SPATA6: variants seen among roughly 807,000 people sequenced by gnomAD.
SPATA6 encodes the protein spermatogenesis associated 6.
A neutral mutation model predicts 65.3 loss-of-function variants in SPATA6; 56 were observed. That is an observed-to-expected ratio of 0.86 (90% CI 0.69 to 1.07). The LOEUF (loss-of-function observed/expected upper bound fraction) is 1.07. Ranked by LOEUF, SPATA6 falls within the 50% of genes least tolerant of loss-of-function variation. SPATA6 has a pLI of 0.00. For missense variants in SPATA6, 590 were observed against 594.8 expected (o/e 0.99, Z 0.08); for synonymous variants, 199 against 213.2 (o/e 0.93, Z 0.58).
chr1:48,392,747 A>T (rs1650196748), intron 8 of SPATA6, among the ~76,000 whole-genome samples: 1 of 152,140 alleles, frequency 6.6e-6, no homozygotes, highest in African/African-American at 2.4e-5. Context: ...ATTAGGCAAG[A>T]TAATTTGGCA....
chr1:48,451,626 G>A, intron 2 of SPATA6, 26 bp from the exon 3 acceptor site: 1 of 1,600,216 alleles, frequency 6.2e-7, no homozygotes, highest in Non-Finnish European at 8.5e-7. Flanking sequence ...ACAGGGAGAG[G>A]CAGGAAGGAA....
At chr1:48,399,673 G>A (rs752543799) in intron 6 of SPATA6, 29 bp from the exon 7 acceptor site, 2 of 1,523,244 alleles carry the variant, frequency 1.3e-6, no homozygotes, top group Admixed American at 4.5e-5. Context: ...AATTAACTTG[G>A]TCAAAGGGGA....
chr1:48,302,270 T>C (rs1441029690), intron 12 of SPATA6, among the ~76,000 whole-genome samples: 1 of 152,218 alleles, frequency 6.6e-6, no homozygotes, highest in African/African-American at 2.4e-5. Context: ...ATGGATATAT[T>C]ACATAATGGC....
At chr1:48,397,500 G>T (rs1169860422) in intron 7 of SPATA6, among the ~76,000 whole-genome samples, 1 of 151,646 alleles carries the variant, frequency 6.6e-6, no homozygotes, top group East Asian at 1.9e-4. Flanking sequence ...TCTTTAAGAT[G>T]AAAGAATCTT....
At chr1:48,315,572 C>T (rs1429117788) in intron 11 of SPATA6, among the ~76,000 whole-genome samples, 1 of 152,164 alleles carries the variant, frequency 6.6e-6, no homozygotes, top group African/African-American at 2.4e-5. Context: ...GACAAACCCA[C>T]AGCCAATATC....
chr1:48,462,603 GTA>G (rs1657529646), intron 1 of SPATA6, among the ~76,000 whole-genome samples: 1 of 152,158 alleles, frequency 6.6e-6, no homozygotes, highest in Admixed American at 6.5e-5. Flanking sequence ...GAATTTCAGA[GTA>G]AGTAAGATTG....
chr1:48,283,430 C>T, the SPATA6 span, among the ~76,000 whole-genome samples: 435 of 151,134 alleles, frequency 2.9e-3, 2 homozygotes, highest in African/African-American at 0.01. Context: ...CCTGTAATCC[C>T]AGCACTTTGG....
rs140249354 is a variant in SPATA6 at position 48,329,835 on chromosome 1, A to C, written c.1195-23957T>G. 5.2e-3 allele frequency among the ~76,000 whole-genome samples: 789 copies of C among 152,290 alleles called. 20 individuals carry two copies. Among genetic ancestry groups the C allele is most frequent in the South Asian group, 0.05 (240 of 4,816 alleles). On this transcript the variant is annotated intron_variant, in intron 11 of 12. Transcript: ENST00000371847. ...TGAGTGACAGTCCCCAGGGGAATTTACACTCTCCACAGGGACCTGTGCAAG... is the reference window on the plus strand; with the variant it reads ...TGAGTGACAGTCCCCAGGGGAATTTCCACTCTCCACAGGGACCTGTGCAAG...
chr1:48,339,143 G>A (rs777563063), intron 11 of SPATA6, among the ~76,000 whole-genome samples: 11 of 151,830 alleles, frequency 7.2e-5, no homozygotes, highest in Non-Finnish European at 1.3e-4. Context: ...TCAGTCTCTC[G>A]GTACTGAAAA....
chr1:48,290,466 A>T (rs1484708605), downstream of SPATA6, among the ~76,000 whole-genome samples: 1 of 152,218 alleles, frequency 6.6e-6, no homozygotes, highest in Non-Finnish European at 1.5e-5. Flanking sequence ...ACCAGATAAC[A>T]TCATGACAGG....
intron 11 of SPATA6, among the ~76,000 whole-genome samples, chr1:48,330,866 G>A (rs1417917848): frequency 6.6e-6 from 1 of 152,134 alleles, no homozygotes; most frequent in Non-Finnish European, 1.5e-5. Flanking sequence ...CTATGGGCAA[G>A]GACACAGCTA....
intron 1 of SPATA6, among the ~76,000 whole-genome samples, chr1:48,458,445 C>T (rs2148177683): frequency 6.6e-6 from 1 of 152,222 alleles, no homozygotes; most frequent in African/African-American, 2.4e-5. Flanking sequence ...GATGTAGCCA[C>T]TCTTTTTGCT....
rs1015216593 is a variant in SPATA6 at position 48,442,612 on chromosome 1, A to G, written c.238+8940T>C. 4.0e-5 allele frequency among the ~76,000 whole-genome samples: 6 copies of G among 151,364 alleles called. No homozygotes were observed. The East Asian group carries it at 5.8e-4, about 15-fold the overall frequency. On this transcript the variant is annotated intron_variant, in intron 3 of 12. Transcript: ENST00000371847. Reference sequence around the variant, plus strand: ...GTCAGAGAAAGAGAGAGAGAGAGAAAGAGAGAGACAGAAAGTCAAAGAGAG... The same window carrying G: ...GTCAGAGAAAGAGAGAGAGAGAGAAGGAGAGAGACAGAAAGTCAAAGAGAG...
chr1:48,323,795 T>C (rs1347304746), intron 11 of SPATA6, among the ~76,000 whole-genome samples: 1 of 152,090 alleles, frequency 6.6e-6, no homozygotes, highest in Non-Finnish European at 1.5e-5. Flanking sequence ...CTTACCAAGA[T>C]TGAACCATGA....
intron 8 of SPATA6, among the ~76,000 whole-genome samples, chr1:48,390,232 T>C (rs762164836): frequency 6.6e-6 from 1 of 152,046 alleles, no homozygotes; most frequent in Non-Finnish European, 1.5e-5. Flanking sequence ...ATAAAGTAAT[T>C]AGGGCATAAA....
chr1:48,380,779 A>T (rs1648474771), intron 9 of SPATA6, among the ~76,000 whole-genome samples: 1 of 152,052 alleles, frequency 6.6e-6, no homozygotes, highest in African/African-American at 2.4e-5. Flanking sequence ...CATAAATTTT[A>T]AATGTTAGGA....
chr1:48,400,830 A>G (rs1651094447), intron 6 of SPATA6: 1 of 1,275,664 alleles, frequency 7.8e-7, no homozygotes, highest in African/African-American at 1.6e-5. Flanking sequence ...ATGCTTCTGG[A>G]CCTTCTCCAC....
At position 48,309,849 on chromosome 1, in the gene SPATA6, G is replaced by C. The variant is rs1241512764; in HGVS notation, c.1195-3971C>G. ...TTCTATAAACGCTTAGAACCATTAA[G>C]TCTCCCAGTGTTTGCTGAGCAGCTC... On this transcript the variant is annotated intron_variant, in intron 11 of 12. Transcript: ENST00000371847. 1.8e-4 allele frequency among the ~76,000 whole-genome samples: 28 copies of C among 152,152 alleles called. 1 individual carries two copies. Among genetic ancestry groups the C allele is most frequent in the Admixed American group, 1.8e-3 (27 of 15,280 alleles).
intron 3 of SPATA6, among the ~76,000 whole-genome samples, chr1:48,415,841 G>A (rs555383034): frequency 9.0e-4 from 137 of 152,010 alleles, no homozygotes; most frequent in Middle Eastern, 6.8e-3. Flanking sequence ...AGAAGAGCAA[G>A]GAGAATAAAT....
Sources: allele counts gnomAD v4.1 joint callset (sites outside exome capture counted in the v4.1 genomes callset), GRCh38; gene constraint gnomAD v4.1.1; transcripts MANE v1.5; gene names NCBI Gene and HGNC (gene_info 2026-07-23, HGNC 2026-07-21).